Variants in KCNC3 observed in about 807,000 individuals in gnomAD.
The protein encoded by KCNC3 is potassium voltage-gated channel subfamily C member 3, also known as voltage-gated potassium channel KCNC3.
Under a neutral mutation model 43.9 loss-of-function variants are expected in KCNC3, and 22 were observed. The observed-to-expected ratio is 0.50, with a 90% CI of 0.36 to 0.72. KCNC3 has a LOEUF of 0.72. Among genes scored for constraint, KCNC3 ranks in the 30% least tolerant of loss-of-function variants. The pLI, the probability that KCNC3 is intolerant of heterozygous loss-of-function variation, is 0.00. For synonymous variants in KCNC3, 492 were observed against 488.0 expected, an observed-to-expected ratio of 1.01 and a Z score of -0.11; for missense variants, 829 against 1,073.8, an observed-to-expected ratio of 0.77 and a Z score of 3.19.
At chr19:50,319,128 G>T (rs1337816049) in intron 4 of KCNC3, among the ~76,000 whole-genome samples, 1 of 152,072 alleles carries the variant, frequency 6.6e-6, no homozygotes, top group African/African-American at 2.4e-5. Context: ...CCTAGCATGT[G>T]GTAGGTACTT....
chr19:50,319,216 C>T (rs1432166435), intron 4 of KCNC3, among the ~76,000 whole-genome samples: 2 of 152,026 alleles, frequency 1.3e-5, no homozygotes, highest in African/African-American at 4.8e-5. Context: ...GCCGGCAGCC[C>T]CCAGTCTGTC....
At chr19:50,318,513 G>A (rs2036986111) in intron 4 of KCNC3, among the ~76,000 whole-genome samples, 2 of 152,100 alleles carry the variant, frequency 1.3e-5, no homozygotes, top group African/African-American at 2.4e-5. Context: ...CCTATGAGCG[G>A]CTGGAAACTT....
Position 50,323,098 on chromosome 19 carries a change from T to G in KCNC3, c.1855A>C (p.Thr619Pro). 6.5e-7 allele frequency: 1 copy of G among 1,539,232 alleles called. No homozygotes were observed. Among genetic ancestry groups the G allele is most frequent in the Non-Finnish European group, 8.7e-7 (1 of 1,144,262 alleles). Residue 619 changes from threonine to proline, a missense_variant, in exon 2 of 5, where the codon ACG (threonine) becomes CCG (proline). By Grantham distance (38) the Thr-to-Pro change is conservative. Coordinates refer to ENST00000477616, the MANE Select transcript of KCNC3 (RefSeq NM_004977.3). Reference sequence around the variant, plus strand: ...CCCCCCCTGAGCAGCCCGGGGTGCGTGTGGGGCCCCGCTGGGTAGGCCCCG... The same window carrying G: ...CCCCCCCTGAGCAGCCCGGGGTGCGGGTGGGGCCCCGCTGGGTAGGCCCCG... The part of the protein sequence containing the change: ...VAGAYPAGPH[T>P]HPGLLRGGAG...
chr19:50,331,116 G>A (rs1290766011), upstream of KCNC3, among the ~76,000 whole-genome samples: 2 of 143,248 alleles, frequency 1.4e-5, no homozygotes, highest in Admixed American at 1.4e-4. Context: ...TTGAGTATTT[G>A]TGCCGCCGTC....
In KCNC3 at chr19:50,329,025, G is replaced by A; in HGVS notation, c.58C>T (p.Gln20Ter). 1.5e-6 allele frequency: 2 copies of A among 1,340,218 alleles called. No individual in the cohort carries two copies. Among genetic ancestry groups the A allele is most frequent in the Non-Finnish European group, 1.9e-6 (2 of 1,040,370 alleles). 83.0% of individuals were successfully genotyped at this position (1,340,218 alleles called of 1,614,324 possible). The stretch of plus-strand genomic sequence containing the variant: ...GGCGGCTGCGGCGGTGGCGCCGGCT[G>A]CTGCTTGCTGGCCCCCTGGCGCCCG... Reference protein sequence around the residue: ...FRGRQGASKQQPAPPPQPPES... With the variant: ...FRGRQGASKQ Residue 20 changes from glutamine to a stop codon, truncating the protein, a stop_gained, in exon 1 of 5, where the codon CAG becomes TAG. Coordinates refer to ENST00000477616, the MANE Select transcript of KCNC3 (RefSeq NM_004977.3). LOFTEE classifies it high-confidence loss of function.
chr19:50,312,952 A>G lies in KCNC3; in HGVS notation c.*3163T>C, dbSNP rs2036899515. On this transcript the variant is annotated 3_prime_UTR_variant, in exon 5 of 5. Transcript: ENST00000477616. ...CGAGGGAAGGATGGGGGGGACTCAA[A>G]ATGCCCCTTGCATAGGAATCGTTGC... 1 of 151,956 alleles carries G rather than the reference A, an allele frequency of 6.6e-6. No individual in the cohort carries two copies. Among genetic ancestry groups the G allele is most frequent in the Non-Finnish European group, 1.5e-5 (1 of 67,974 alleles). The allele number at this position is 151,956 out of a possible 1,614,324, so 9.4% of individuals were successfully genotyped here. A position where few individuals can be genotyped will look rare whatever the true frequency, so the allele number is the denominator to read the frequency against.
chr19:50,328,157 G>C, intron 1 of KCNC3, 56 bp downstream of exon 1: 1 of 1,101,540 alleles, frequency 9.1e-7, no homozygotes. Flanking sequence ...CTGGGAGACT[G>C]GGGGCGCCTG....
upstream of KCNC3, chr19:50,329,387 T>C (rs1228908478): frequency 5.7e-6 from 1 of 176,754 alleles, no homozygotes; most frequent in East Asian, 1.3e-4. Context: ...TTACTACTAA[T>C]TGTGTTCGGC....
chr19:50,318,704 A>G (rs945162169), intron 4 of KCNC3, among the ~76,000 whole-genome samples: 1 of 152,154 alleles, frequency 6.6e-6, no homozygotes. Flanking sequence ...ACCCCTTACA[A>G]TCTGGAGACT....
Position 50,320,582 on chromosome 19 carries a change from GGGCACCTC to G in KCNC3, c.2170+3_2170+10del, listed in dbSNP as rs1284228538. On this transcript the variant is annotated splice_donor_5th_base_variant and intron_variant, in intron 3 of 4. Transcript: ENST00000477616. ...GAGGGTCCCAGGGGATCAGTAGGGGGGGCACCTCACCTTTTCGGATGGAGCCATCAGGG... is the reference window on the plus strand; with the variant it reads ...GAGGGTCCCAGGGGATCAGTAGGGGGACCTTTTCGGATGGAGCCATCAGGG... 6.2e-7 allele frequency: 1 copy of G among 1,609,044 alleles called. No homozygotes were observed. The highest frequency in any genetic ancestry group is 1.7e-5 in the Admixed American group (1 of 59,518).
At chr19:50,320,896 T>G in intron 2 of KCNC3, 112 bp from the exon 3 acceptor site, 1 of 1,047,786 alleles carries the variant, frequency 9.5e-7, no homozygotes, top group East Asian at 2.6e-5. Flanking sequence ...CGGCGGATGT[T>G]TGGCACTGGA....
In KCNC3 at chr19:50,328,907, C is replaced by T. The variant is rs1425722679; in HGVS notation, c.176G>A (p.Arg59His). The T allele has an allele frequency of 4.5e-6, 4 of 893,794 alleles. No individual in the cohort carries two copies. In the East Asian group the frequency reaches 5.2e-4, roughly 117 times the overall value. 55.4% of individuals were successfully genotyped at this position (893,794 alleles called of 1,614,324 possible). A position where few individuals can be genotyped will look rare whatever the true frequency, so the allele number is the denominator to read the frequency against. ...AASPAGPPAP[R>H]GPGDRRAEPC... ...CTCGGCGCGCCGGTCCCCGGGCCCG[C>T]GGGGTGCCGGGGGGCCCGCCGGGGA... Residue 59 changes from arginine to histidine, a missense_variant, in exon 1 of 5, where the codon CGC becomes CAC. Coordinates refer to ENST00000477616, the MANE Select transcript of KCNC3 (RefSeq NM_004977.3).
Position 50,328,399 on chromosome 19 carries a change from C to T in KCNC3, c.684G>A (p.Ala228=). The T allele has an allele frequency of 7.6e-7, 1 of 1,312,540 alleles. No homozygotes were observed. Among genetic ancestry groups the T allele is most frequent in the South Asian group, 2.3e-5 (1 of 42,906 alleles). The allele number at this position is 1,312,540 out of a possible 1,614,324, so 81.3% of individuals were successfully genotyped here. The change falls in exon 1 of 5, where the codon GCG becomes GCA. Residue 228 remains alanine, a synonymous_variant. Transcript: ENST00000477616. ...CGTCCAGGCCGCCGCCGCCCGCGCC[C>T]GCCTCGTCGTCCAGGCCTCCGTCGT... ...GAHDGGLDDE[A]GAGGGGLDGA...
At position 50,312,192 on chromosome 19, in the gene KCNC3, ACT is replaced by A. The variant is rs932572293; in HGVS notation, c.*3921_*3922del. The A allele has an allele frequency of 2.7e-5, 4 of 150,592 alleles. No homozygotes were observed. Among genetic ancestry groups the A allele is most frequent in the African/African-American group, 4.9e-5 (2 of 40,848 alleles). 9.3% of individuals were successfully genotyped at this position (150,592 alleles called of 1,614,324 possible). A position where few individuals can be genotyped will look rare whatever the true frequency, so the allele number is the denominator to read the frequency against. ...CGATTTGCAGACCTCCCCTCCCCAC[ACT>A]GTCTCCGAACCCCGCCCCCATCCCT... is the stretch of plus-strand genomic sequence containing the variant. On this transcript the variant is annotated 3_prime_UTR_variant, in exon 5 of 5. Coordinates refer to ENST00000477616, the MANE Select transcript of KCNC3 (RefSeq NM_004977.3).
rs2037078648 is a variant in KCNC3 at position 50,324,491 on chromosome 19, G to A, written c.871-409C>T. ...CGCCAGGCCTAAGATCACACATCCTGTGTGTCTCGGAGGCTTTAGGGCTCA... is the reference window on the plus strand; with the variant it reads ...CGCCAGGCCTAAGATCACACATCCTATGTGTCTCGGAGGCTTTAGGGCTCA... On this transcript the variant is annotated intron_variant, in intron 1 of 4. Coordinates refer to ENST00000477616, the MANE Select transcript of KCNC3 (RefSeq NM_004977.3). This position sits in a 1 kb window ranked among gnomAD's most constrained non-coding sequence, Gnocchi z 4.1. Among the ~76,000 whole-genome samples, 1 of 152,184 alleles carries A rather than the reference G, an allele frequency of 6.6e-6. No homozygotes were observed. The highest frequency in any genetic ancestry group is 2.1e-4 in the South Asian group (1 of 4,820).
In KCNC3 at chr19:50,323,376, G is replaced by A; in HGVS notation, c.1577C>T (p.Ala526Val). Residue 526 changes from alanine to valine, a missense_variant, in exon 2 of 5, where the codon GCG becomes GTG. Physicochemically the swap from Ala to Val is moderately conservative, Grantham distance 64. Coordinates refer to ENST00000477616, the MANE Select transcript of KCNC3 (RefSeq NM_004977.3). Reference sequence around the variant, plus strand: ...AGGCATGGCGATGGTCAGCACCCCCGCCAGGGCACACAGCGCCCCGACCAG... The same window carrying A: ...AGGCATGGCGATGGTCAGCACCCCCACCAGGGCACACAGCGCCCCGACCAG... ...GMLVGALCAL[A>V]GVLTIAMPVP... 6.2e-7 allele frequency: 1 copy of A among 1,614,112 alleles called. No individual in the cohort carries two copies. The highest frequency in any genetic ancestry group is 8.5e-7 in the Non-Finnish European group (1 of 1,180,018).
At position 50,322,971 on chromosome 19, in the gene KCNC3, T is replaced by C. The variant is rs548226218; in HGVS notation, c.1978+4A>G. On this transcript the variant is annotated splice_donor_region_variant and intron_variant, in intron 2 of 4. Transcript: ENST00000477616. ...TGCCCCCGATCCCTGACGCCCAGGC[T>C]CACCTGCCCGGTTGATCTCAATCAC... 16 of 1,550,056 alleles carry C rather than the reference T, an allele frequency of 1.0e-5. No individual in the cohort carries two copies. In the South Asian group the frequency reaches 1.7e-4, roughly 16 times the overall value.
intron 3 of KCNC3, 119 bp downstream of exon 3, chr19:50,320,474 G>C: frequency 1.1e-6 from 1 of 941,822 alleles, no homozygotes; most frequent in Non-Finnish European, 1.6e-6. Flanking sequence ...AGGCAGTTTG[G>C]GGCCAAGGGA....
In KCNC3 at chr19:50,315,173, C is replaced by CA. The variant is rs2036932215; in HGVS notation, c.*941dup. Among the ~76,000 whole-genome samples the CA allele has an allele frequency of 6.6e-6, 1 of 151,772 alleles. No homozygotes were observed. The highest frequency in any genetic ancestry group is 2.1e-4 in the South Asian group (1 of 4,806). ...ACAGACAGAGTCAGGCAGACAGAGA[C>CA]ACAAAAGGACGGATGACAAGAGACA... On this transcript the variant is annotated 3_prime_UTR_variant, in exon 5 of 5. Transcript: ENST00000477616.
Sources: allele counts gnomAD v4.1 joint callset (sites outside exome capture counted in the v4.1 genomes callset), GRCh38; gene constraint gnomAD v4.1.1; non-coding constraint Gnocchi (gnomAD v3.1); transcripts MANE v1.5; gene names NCBI Gene and HGNC (gene_info 2026-07-23, HGNC 2026-07-21).